The following CCDC91 variants were observed in gnomAD, a reference collection of about 807,000 sequenced individuals.
CCDC91 encodes coiled-coil domain-containing protein 91.
In CCDC91, 48 loss-of-function variants were observed where a neutral mutation model predicts 63.2. The ratio of observed to expected loss-of-function variants is 0.76; its 90% CI spans 0.60 to 0.97. The LOEUF (loss-of-function observed/expected upper bound fraction) is 0.97, where lower values mean the gene tolerates loss of function less well. Among genes scored for constraint, CCDC91 ranks in the 50% least tolerant of loss-of-function variants. The pLI is 0.00. For missense variants in CCDC91, 500 were observed against 494.6 expected (o/e 1.01, Z -0.10); for synonymous variants, 167 against 165.8 (o/e 1.01, Z -0.06).
chr12:28,372,002 G>C (rs1419927479), intron 7 of CCDC91, among the ~76,000 whole-genome samples: 1 of 152,136 alleles, frequency 6.6e-6, no homozygotes, highest in Non-Finnish European at 1.5e-5. Context: ...TTCATCTTGA[G>C]TTGATTTTTG....
chr12:28,493,085 G>A (rs777420004), intron 12 of CCDC91, among the ~76,000 whole-genome samples: 2 of 151,532 alleles, frequency 1.3e-5, no homozygotes, highest in East Asian at 1.9e-4. Flanking sequence ...TGGGTCCCAA[G>A]TTTGTCCAAC....
intron 8 of CCDC91, among the ~76,000 whole-genome samples, chr12:28,433,898 A>G (rs1948760020): frequency 6.6e-6 from 1 of 151,876 alleles, no homozygotes; most frequent in South Asian, 2.1e-4. Flanking sequence ...ATTTTCTCAT[A>G]TAGATCTTAT....
At chr12:28,384,967 A>G (rs1945511372) in intron 7 of CCDC91, among the ~76,000 whole-genome samples, 1 of 152,098 alleles carries the variant, frequency 6.6e-6, no homozygotes, top group Non-Finnish European at 1.5e-5. Context: ...CTAACAATTT[A>G]ATATCCTTAC....
chr12:28,437,477 G>T (rs768460742), intron 8 of CCDC91, among the ~76,000 whole-genome samples: 2 of 151,868 alleles, frequency 1.3e-5, no homozygotes, highest in African/African-American at 4.8e-5. Context: ...ATAACCTTTC[G>T]TGATATAAGA....
At chr12:28,334,129 GTTTTA>G (rs1364811085) in intron 6 of CCDC91, among the ~76,000 whole-genome samples, 1 of 151,830 alleles carries the variant, frequency 6.6e-6, no homozygotes, top group Non-Finnish European at 1.5e-5. Flanking sequence ...GGGTTTATGA[GTTTTA>G]TTTGTTAGAA....
At chr12:28,291,554 G>C (rs1016995824) in intron 3 of CCDC91, among the ~76,000 whole-genome samples, 3 of 152,164 alleles carry the variant, frequency 2.0e-5, no homozygotes, top group African/African-American at 7.2e-5. Flanking sequence ...CAGTGACCAT[G>C]AACTTTTTGT....
intron 11 of CCDC91, among the ~76,000 whole-genome samples, chr12:28,480,173 C>T (rs1376915704): frequency 6.6e-6 from 1 of 151,970 alleles, no homozygotes; most frequent in Non-Finnish European, 1.5e-5. Flanking sequence ...AACTATTATT[C>T]CTAAATAACA....
chr12:28,260,959 T>A (rs1201248550), intron 3 of CCDC91, among the ~76,000 whole-genome samples: 2 of 152,036 alleles, frequency 1.3e-5, no homozygotes, highest in Admixed American at 1.3e-4. Flanking sequence ...AAAATGGTTT[T>A]AAAAAGTTTT....
intron 1 of CCDC91, among the ~76,000 whole-genome samples, chr12:28,209,998 G>T (rs1591992033): frequency 6.6e-6 from 1 of 152,026 alleles, no homozygotes; most frequent in South Asian, 2.1e-4. Context: ...AACTTCCGTA[G>T]ACCATCTACA....
intron 12 of CCDC91, among the ~76,000 whole-genome samples, chr12:28,539,221 A>C (rs899464529): frequency 2.6e-5 from 4 of 152,136 alleles, no homozygotes; most frequent in Admixed American, 1.3e-4. Flanking sequence ...GTTTTCTTCT[A>C]GGGTTTTTAT....
intron 3 of CCDC91, among the ~76,000 whole-genome samples, chr12:28,282,133 C>A (rs1478405642): frequency 6.6e-6 from 1 of 152,060 alleles, no homozygotes; most frequent in Admixed American, 6.5e-5. Context: ...GAATAAAATA[C>A]AGCCTCACGT....
At chr12:28,248,462 C>T (rs1330978890) in intron 1 of CCDC91, among the ~76,000 whole-genome samples, 1 of 152,046 alleles carries the variant, frequency 6.6e-6, no homozygotes. Flanking sequence ...GGTTGGAGCC[C>T]TTTGGAGCAC....
At chr12:28,250,071 AG>A (rs1428475905) in intron 1 of CCDC91, among the ~76,000 whole-genome samples, 2 of 152,264 alleles carry the variant, frequency 1.3e-5, no homozygotes, top group East Asian at 3.9e-4. Flanking sequence ...ATAGAATCAG[AG>A]GGCTATCAGC....
chr12:28,471,752 C>T (rs1228436521), intron 11 of CCDC91, among the ~76,000 whole-genome samples: 1 of 134,680 alleles, frequency 7.4e-6, no homozygotes, highest in African/African-American at 2.5e-5. Context: ...TGTTTATTTT[C>T]TCTCTCTTTT....
At chr12:28,409,308 T>G (rs1203214425) in intron 8 of CCDC91, among the ~76,000 whole-genome samples, 1 of 152,162 alleles carries the variant, frequency 6.6e-6, no homozygotes, top group African/African-American at 2.4e-5. Context: ...GTTGAACAAA[T>G]GTATATACCT....
At chr12:28,305,895 C>T (rs1232177021) in intron 4 of CCDC91, 89 bp downstream of exon 4, 3 of 1,119,070 alleles carry the variant, frequency 2.7e-6, no homozygotes, top group South Asian at 1.6e-5. Context: ...TCTTTTTTAG[C>T]CTATTTGTCT....
Position 28,315,518 on chromosome 12 carries a change from T to C in CCDC91, c.576+7769T>C, listed in dbSNP as rs368801801. On this transcript the variant is annotated intron_variant, in intron 6 of 12. Coordinates refer to ENST00000536442, the MANE Select transcript of CCDC91 (RefSeq NM_018318.5). The stretch of plus-strand genomic sequence containing the variant: ...GGTCCAAGCAATGAACTTGAAAATT[T>C]TGCTTTATACAGTAGTTTTCATGAA... Among the ~76,000 whole-genome samples, 73 of 152,130 alleles carry C rather than the reference T, an allele frequency of 4.8e-4. No homozygotes were observed. In the South Asian group the frequency reaches 0.012, roughly 25 times the overall value.
At chr12:28,537,292 G>A (rs1942254236) in intron 12 of CCDC91, among the ~76,000 whole-genome samples, 1 of 152,100 alleles carries the variant, frequency 6.6e-6, no homozygotes, top group Non-Finnish European at 1.5e-5. Context: ...ATATGTTCAG[G>A]TAATAAGCAT....
chr12:28,322,822 A>G (rs2137465992), intron 6 of CCDC91, among the ~76,000 whole-genome samples: 1 of 151,858 alleles, frequency 6.6e-6, no homozygotes, highest in South Asian at 2.1e-4. Context: ...ATACATGAGA[A>G]TGCCTGTTTT....
Sources: allele counts gnomAD v4.1 joint callset (sites outside exome capture counted in the v4.1 genomes callset), GRCh38; gene constraint gnomAD v4.1.1; transcripts MANE v1.5; gene names NCBI Gene and HGNC (gene_info 2026-07-23, HGNC 2026-07-21).